The following RBMS3 variants were observed in gnomAD, a reference collection of about 807,000 sequenced individuals.
RBMS3 encodes the protein RNA-binding motif, single-stranded-interacting protein 3.
A neutral mutation model predicts 66.8 loss-of-function variants in RBMS3; 27 were observed. The observed-to-expected ratio is 0.40, with a 90% confidence interval of 0.30 to 0.56. RBMS3 has a LOEUF of 0.56. Among genes scored for constraint, RBMS3 ranks in the 20% least tolerant of loss-of-function variants. The pLI, the probability that RBMS3 is intolerant of heterozygous loss-of-function variation, is 0.40. For missense variants in RBMS3, 513 were observed against 549.5 expected (o/e 0.93, Z 0.66); for synonymous variants, 188 against 183.0 (o/e 1.03, Z -0.22).
At chr3:29,442,353 C>A (rs1273339369) in intron 2 of RBMS3, among the ~76,000 whole-genome samples, 1 of 152,040 alleles carries the variant, frequency 6.6e-6, no homozygotes, top group African/African-American at 2.4e-5. Context: ...GTTTTTATTA[C>A]TTTGAAGAAT....
chr3:29,507,900 A>G (rs899656952), intron 3 of RBMS3, among the ~76,000 whole-genome samples: 2 of 152,170 alleles, frequency 1.3e-5, no homozygotes, highest in Non-Finnish European at 2.9e-5. Flanking sequence ...AAATTCTCCT[A>G]TCTATAATAG....
At chr3:29,362,151 G>A (rs1451094892) in intron 1 of RBMS3, among the ~76,000 whole-genome samples, 2 of 152,198 alleles carry the variant, frequency 1.3e-5, no homozygotes, top group East Asian at 1.9e-4. Context: ...CAGTTTTTCT[G>A]TTCTGTTTTT....
intron 3 of RBMS3, among the ~76,000 whole-genome samples, chr3:29,581,627 C>A (rs2047332094): frequency 2.0e-5 from 3 of 152,090 alleles, no homozygotes; most frequent in Non-Finnish European, 4.4e-5. Context: ...AATTCTTAGC[C>A]CAAATGTTTG....
At chr3:29,344,816 G>A (rs1325295546) in intron 1 of RBMS3, among the ~76,000 whole-genome samples, 1 of 152,066 alleles carries the variant, frequency 6.6e-6, no homozygotes, top group Admixed American at 6.6e-5. Context: ...CAACATTTAA[G>A]CATAGAGGAA....
At chr3:29,291,611 T>C (rs1287269370) in intron 1 of RBMS3, among the ~76,000 whole-genome samples, 3 of 151,814 alleles carry the variant, frequency 2.0e-5, no homozygotes, top group African/African-American at 4.8e-5. Flanking sequence ...ACAATACTTA[T>C]TCTATGGCAT....
rs575700557 is a variant in RBMS3, at chr3:29,593,590, C to T, written c.399+6385C>T. On this transcript the variant is annotated intron_variant, in intron 4 of 14. Transcript: ENST00000383767. ...GATGCTAATGTTCCTAGAATAATGT[C>T]CATGTCTTTTTGTTTGTTTGTTTTG... Among the ~76,000 whole-genome samples, 4 of 152,288 alleles carry T rather than the reference C, an allele frequency of 2.6e-5. No individual in the cohort carries two copies. In the South Asian group the frequency reaches 8.3e-4, roughly 32 times the overall value.
chr3:29,828,977 ACTTTCTTTCTTTCTTTCTTT>A (rs368382303), intron 6 of RBMS3, among the ~76,000 whole-genome samples: 1,824 of 98,668 alleles, frequency 0.018, 31 homozygotes, highest in Middle Eastern at 0.036. Context: ...TTAGCGAGTG[ACTTTCTTTCTTTCTTTCTTT>A]CTTTCTTTCT....
At chr3:29,736,625 T>G (rs943721745) in intron 4 of RBMS3, among the ~76,000 whole-genome samples, 1 of 152,176 alleles carries the variant, frequency 6.6e-6, no homozygotes. Context: ...GCCCACTCAT[T>G]GGTAGGCTCT....
At chr3:29,658,528 G>C (rs2050405366) in intron 4 of RBMS3, among the ~76,000 whole-genome samples, 1 of 152,148 alleles carries the variant, frequency 6.6e-6, no homozygotes, top group Non-Finnish European at 1.5e-5. Context: ...CTTTAGCTAT[G>C]AATGTAATCA....
intron 6 of RBMS3, among the ~76,000 whole-genome samples, chr3:29,770,438 T>C (rs953381086): frequency 2.6e-5 from 4 of 151,968 alleles, no homozygotes; most frequent in Non-Finnish European, 5.9e-5. Context: ...TAGTTACATA[T>C]GAAGCACCAA....
At chr3:29,905,287 T>A (rs1175968791) in intron 10 of RBMS3, among the ~76,000 whole-genome samples, 2 of 152,112 alleles carry the variant, frequency 1.3e-5, no homozygotes, top group Non-Finnish European at 1.5e-5. Context: ...AGAGCATCTG[T>A]ATTCCATGCA....
At chr3:29,612,774 GCCAGTAGTCACACATCATAAA>G (rs1451587287) in intron 4 of RBMS3, among the ~76,000 whole-genome samples, 1 of 152,018 alleles carries the variant, frequency 6.6e-6, no homozygotes, top group African/African-American at 2.4e-5. Context: ...TGCCTTTTTG[GCCAGTAGTCACACATCATAAA>G]CCAAAGCTTC....
chr3:29,621,201 C>G (rs1189939533), intron 4 of RBMS3, among the ~76,000 whole-genome samples: 1 of 140,634 alleles, frequency 7.1e-6, no homozygotes, highest in Admixed American at 7.0e-5. Flanking sequence ...TTTTTTTTTG[C>G]TTTTATTGGG....
intron 12 of RBMS3, among the ~76,000 whole-genome samples, chr3:29,983,238 C>CG (rs1337222026): frequency 6.8e-5 from 10 of 146,842 alleles, no homozygotes; most frequent in African/African-American, 2.2e-4. Context: ...ACCCCCGCCC[C>CG]CTTTTTTTTT....
intron 4 of RBMS3, among the ~76,000 whole-genome samples, chr3:29,730,040 G>T (rs1028409153): frequency 1.3e-5 from 2 of 151,180 alleles, no homozygotes; most frequent in Non-Finnish European, 2.9e-5. Context: ...AAAAGGTAAA[G>T]GTAATGATAT....
intron 6 of RBMS3, 49 bp from the exon 7 acceptor site, chr3:29,868,809 G>A (rs1251276898): frequency 1.4e-6 from 2 of 1,458,170 alleles, no homozygotes; most frequent in East Asian, 2.4e-5. Flanking sequence ...TAATCACTTA[G>A]TTTTTAAGGG....
chr3:29,622,566 G>T (rs1194042483), intron 4 of RBMS3, among the ~76,000 whole-genome samples: 1 of 152,158 alleles, frequency 6.6e-6, no homozygotes, highest in Admixed American at 6.5e-5. Context: ...CAATAAAATT[G>T]GCTTGTTGAA....
At chr3:29,388,772 G>C (rs1014312886) in intron 1 of RBMS3, among the ~76,000 whole-genome samples, 4 of 152,156 alleles carry the variant, frequency 2.6e-5, no homozygotes, top group African/African-American at 4.8e-5. Context: ...CACCATGTTA[G>C]CCAGGATGGT....
intron 2 of RBMS3, among the ~76,000 whole-genome samples, chr3:29,449,028 C>T (rs2041928210): frequency 6.6e-6 from 1 of 152,102 alleles, no homozygotes; most frequent in Non-Finnish European, 1.5e-5. Context: ...GACTTGGGTA[C>T]TTCAGTCTTG....
Sources: allele counts gnomAD v4.1 joint callset (sites outside exome capture counted in the v4.1 genomes callset), GRCh38; gene constraint gnomAD v4.1.1; transcripts MANE v1.5; gene names NCBI Gene and HGNC (gene_info 2026-07-23, HGNC 2026-07-21).